BTAF1: variants seen among roughly 807,000 people sequenced by gnomAD.
BTAF1 encodes B-TFIID TATA-box binding protein associated factor 1, also known as TATA-binding protein-associated factor 172.
BTAF1 carries 38 observed loss-of-function variants against 227.1 expected under a neutral mutation model. That is an observed-to-expected ratio of 0.17 (90% CI 0.13 to 0.22). BTAF1 has a LOEUF of 0.22. Ranked by LOEUF, BTAF1 falls within the 10% of genes least tolerant of loss-of-function variation. The probability of loss-of-function intolerance (pLI) is 1.00; values close to 1 mark genes in which losing one functional copy is unlikely to be tolerated. For synonymous variants in BTAF1, 742 were observed against 751.9 expected (o/e 0.99, Z 0.21); for missense variants, 1,598 against 2,204.0 (o/e 0.73, Z 5.51).
At chr10:91,943,995 A>G (rs1391440387) in intron 4 of BTAF1, among the ~76,000 whole-genome samples, 1 of 152,024 alleles carries the variant, frequency 6.6e-6, no homozygotes, top group African/African-American at 2.4e-5. Flanking sequence ...TACTAAAAAT[A>G]TGAAAATTAG....
intron 9 of BTAF1, 77 bp from the exon 10 acceptor site, chr10:91,959,708 T>G: frequency 1.6e-6 from 1 of 632,696 alleles, no homozygotes; most frequent in Non-Finnish European, 2.2e-6. Context: ...AAAAAAATTA[T>G]GTTAAAAAAA....
rs201840918 is a variant in BTAF1 at position 92,018,771 on chromosome 10, T to A, written c.4711-12T>A. On this transcript the variant is annotated splice_polypyrimidine_tract_variant and intron_variant, in intron 33 of 37. Coordinates refer to ENST00000265990, the MANE Select transcript of BTAF1 (RefSeq NM_003972.3). ...AAATTGACTCATATATACTTTTTTT[T>A]TCCTCTTGAAGGCATTACAGTACTT... The A allele has an allele frequency of 1.6e-4, 238 of 1,503,262 alleles. No individual in the cohort carries two copies. The highest frequency in any genetic ancestry group is 8.9e-4 in the Middle Eastern group (5 of 5,628). The allele number at this position is 1,503,262 out of a possible 1,614,324, so 93.1% of individuals were successfully genotyped here. A position where few individuals can be genotyped will look rare whatever the true frequency, so the allele number is the denominator to read the frequency against.
chr10:91,937,349 T>C (rs10882002), intron 2 of BTAF1, among the ~76,000 whole-genome samples: 41,586 of 152,056 alleles, frequency 0.27, 6,951 homozygotes, highest in Non-Finnish European at 0.38. Flanking sequence ...TGAGTTTCAA[T>C]TTAGTGGTAT....
chr10:91,975,320 CAAAT>C (rs954583336), intron 14 of BTAF1, among the ~76,000 whole-genome samples: 3 of 152,204 alleles, frequency 2.0e-5, no homozygotes, highest in African/African-American at 7.2e-5. Flanking sequence ...TTAACATACA[CAAAT>C]AAGTAGGAAA....
intron 1 of BTAF1, among the ~76,000 whole-genome samples, chr10:91,928,548 C>G (rs1205769260): frequency 6.6e-6 from 1 of 152,032 alleles, no homozygotes; most frequent in Non-Finnish European, 1.5e-5. Context: ...TCAACCTCAG[C>G]AAAAAACAAA....
rs145081210 is a variant in BTAF1 at position 92,018,576 on chromosome 10, G to A, written c.4711-207G>A. ...GATATAAACAGTACAATTTATACGC[G>A]TTGTAAATGTCCGCATAGAAACTGC... On this transcript the variant is annotated intron_variant, in intron 33 of 37. Coordinates refer to ENST00000265990, the MANE Select transcript of BTAF1 (RefSeq NM_003972.3). Among the ~76,000 whole-genome samples the A allele has an allele frequency of 5.1e-3, 770 of 152,250 alleles. 4 individuals carry two copies. In the Middle Eastern group the frequency reaches 0.054, roughly 11 times the overall value.
At chr10:91,953,935 C>T in intron 6 of BTAF1, 62 bp downstream of exon 6, 3 of 1,575,790 alleles carry the variant, frequency 1.9e-6, no homozygotes, top group Non-Finnish European at 2.6e-6. Context: ...TAATCTGTGT[C>T]TGCTTGATTT....
chr10:91,984,145 T>G, intron 18 of BTAF1, 56 bp from the exon 19 acceptor site: 1 of 1,472,790 alleles, frequency 6.8e-7, no homozygotes, highest in African/African-American at 1.4e-5. Flanking sequence ...ACGATTTCTG[T>G]ATCTATAAAG....
intron 29 of BTAF1, 59 bp from the exon 30 acceptor site, chr10:92,011,227 T>C (rs180863862): frequency 1.2e-4 from 188 of 1,514,646 alleles, no homozygotes; most frequent in Non-Finnish European, 1.6e-4. Context: ...TTAAAGATTC[T>C]TCATATAGTT....
chr10:91,958,384 GA>G (rs1325786928), intron 8 of BTAF1, among the ~76,000 whole-genome samples: 1 of 151,940 alleles, frequency 6.6e-6, no homozygotes, highest in Admixed American at 6.6e-5. Context: ...CACATATTTT[GA>G]AAATACATGT....
intron 11 of BTAF1, among the ~76,000 whole-genome samples, chr10:91,961,836 G>A (rs1846541349): frequency 6.6e-6 from 1 of 152,048 alleles, no homozygotes; most frequent in African/African-American, 2.4e-5. Context: ...ATGAGAAGTG[G>A]GAAGGTATGG....
chr10:92,003,873 G>A (rs1012358472), intron 25 of BTAF1, among the ~76,000 whole-genome samples: 2 of 151,970 alleles, frequency 1.3e-5, no homozygotes, highest in Non-Finnish European at 2.9e-5. Context: ...CCAACAATAC[G>A]CAAGGGTTCC....
Position 91,996,362 on chromosome 10 carries a change from T to C in BTAF1, c.3310-7T>C. On this transcript the variant is annotated splice_polypyrimidine_tract_variant and splice_region_variant and intron_variant, in intron 23 of 37. Transcript: ENST00000265990. ...AATTCTAATTGCCATTAACTTTTTG[T>C]TTTTAGTTGGTCCAGCATTTGCCAC... 6.2e-7 allele frequency: 1 copy of C among 1,612,726 alleles called. No homozygotes were observed. Among genetic ancestry groups the C allele is most frequent in the South Asian group, 1.1e-5 (1 of 91,056 alleles).
chr10:91,959,740 G>GTGTGTGTGTATA (rs1239373067), intron 9 of BTAF1, 45 bp from the exon 10 acceptor site: 16 of 226,552 alleles, frequency 7.1e-5, no homozygotes, highest in Non-Finnish European at 1.2e-4. Context: ...GTGTGTGTGT[G>GTGTGTGTGTATA]TATATATATA....
rs11186777 is a variant in BTAF1, at chr10:91,974,965, G to C, written c.1651-5489G>C. ...AAGTGAAGGAATTTACCATTTGTTTGTCCTTTCTATATTGTCTCTTTAGCC... is the reference window on the plus strand; with the variant it reads ...AAGTGAAGGAATTTACCATTTGTTTCTCCTTTCTATATTGTCTCTTTAGCC... On this transcript the variant is annotated intron_variant, in intron 14 of 37. Transcript: ENST00000265990. 4.3e-3 allele frequency among the ~76,000 whole-genome samples: 656 copies of C among 152,268 alleles called. 42 individuals carry two copies. In the East Asian group the frequency reaches 0.11, roughly 26 times the overall value.
chr10:91,941,558 G>A (rs1385927358), intron 3 of BTAF1, among the ~76,000 whole-genome samples: 5 of 152,190 alleles, frequency 3.3e-5, no homozygotes, highest in African/African-American at 1.2e-4. Context: ...CAAGTTACCA[G>A]GAGATTCTTA....
Position 91,951,381 on chromosome 10 carries a change from CGT to C in BTAF1, c.401-21_401-20del. 1 of 1,597,568 alleles carries C rather than the reference CGT, an allele frequency of 6.3e-7. No homozygotes were observed. The highest frequency in any genetic ancestry group is 8.5e-7 in the Non-Finnish European group (1 of 1,175,228). ...AACTTCTTAACTGATTTGGAGAAAA[CGT>C]ATTTCTTTTCTGTTGAAAGGTGAAG... On this transcript the variant is annotated intron_variant, in intron 4 of 37. Transcript: ENST00000265990.
chr10:92,007,445 G>C (rs1850000661), intron 25 of BTAF1, among the ~76,000 whole-genome samples: 1 of 152,002 alleles, frequency 6.6e-6, no homozygotes, highest in South Asian at 2.1e-4. Context: ...TTGAACTCCT[G>C]ACCTCAAGTG....
intron 8 of BTAF1, among the ~76,000 whole-genome samples, chr10:91,958,562 C>T (rs1846259620): frequency 6.6e-6 from 1 of 151,942 alleles, no homozygotes; most frequent in Non-Finnish European, 1.5e-5. Flanking sequence ...ACTAGCCGGG[C>T]GTGGTGGCGG....
Sources: gnomAD v4.1 joint callset for allele counts (sites outside exome capture counted in the v4.1 genomes callset) on GRCh38, gnomAD v4.1.1 for gene constraint, MANE v1.5 for transcripts, NCBI Gene and HGNC (gene_info 2026-07-23, HGNC 2026-07-21) for gene names.